The following GALNTL6 variants were observed in gnomAD, a reference collection of about 807,000 sequenced individuals.
GALNTL6 encodes polypeptide N-acetylgalactosaminyltransferase-like 6.
GALNTL6 carries 46 observed loss-of-function variants against 73.7 expected under a neutral mutation model. The ratio of observed to expected loss-of-function variants is 0.62; its 90% confidence interval spans 0.49 to 0.80. The LOEUF (loss-of-function observed/expected upper bound fraction) is 0.80, where lower values mean the gene tolerates loss of function less well. Ranked by LOEUF, GALNTL6 falls within the 30% of genes least tolerant of loss-of-function variation. The probability of loss-of-function intolerance (pLI) is 0.00; values close to 1 mark genes in which losing one functional copy is unlikely to be tolerated. For missense variants in GALNTL6, 604 were observed against 755.0 expected, an observed-to-expected ratio of 0.80 and a Z score of 2.34; for synonymous variants, 259 against 263.7, an observed-to-expected ratio of 0.98 and a Z score of 0.17.
chr4:172,751,102 T>C (rs1157304051), intron 5 of GALNTL6, among the ~76,000 whole-genome samples: 1 of 152,204 alleles, frequency 6.6e-6, no homozygotes, highest in Non-Finnish European at 1.5e-5. Flanking sequence ...ATGTGGTTTG[T>C]GGTACCTGAT....
intron 5 of GALNTL6, among the ~76,000 whole-genome samples, chr4:172,598,093 G>A (rs894375117): frequency 6.6e-6 from 1 of 151,826 alleles, no homozygotes; most frequent in African/African-American, 2.4e-5. Context: ...CAAATTCCCT[G>A]GTCTTATTGC....
Position 172,429,357 on chromosome 4 carries a change from G to A in GALNTL6, c.553+80668G>A, listed in dbSNP as rs1251899747. ...CTCCAGAGTAGCTGGGACTACAGGC[G>A]TGCACCACTACGCCTGGCTAATTTT... On this transcript the variant is annotated intron_variant, in intron 5 of 12. Coordinates refer to ENST00000506823, the MANE Select transcript of GALNTL6 (RefSeq NM_001034845.3). 5.3e-5 allele frequency among the ~76,000 whole-genome samples: 8 copies of A among 151,834 alleles called. No individual in the cohort carries two copies. In the South Asian group the frequency reaches 8.3e-4, roughly 16 times the overall value.
intron 5 of GALNTL6, among the ~76,000 whole-genome samples, chr4:172,516,331 G>A (rs1448745162): frequency 6.6e-6 from 1 of 152,084 alleles, no homozygotes; most frequent in Non-Finnish European, 1.5e-5. Context: ...GAGCTACAGT[G>A]CAGCATTGAC....
At chr4:171,892,395 G>C (rs1406368356) in intron 2 of GALNTL6, among the ~76,000 whole-genome samples, 1 of 152,034 alleles carries the variant, frequency 6.6e-6, no homozygotes, top group Non-Finnish European at 1.5e-5. Flanking sequence ...CTTTTCCTTT[G>C]ATAAAAGTAT....
At chr4:171,924,275 G>A (rs995449039) in intron 2 of GALNTL6, among the ~76,000 whole-genome samples, 9 of 151,186 alleles carry the variant, frequency 6.0e-5, no homozygotes, top group African/African-American at 2.2e-4. Flanking sequence ...AATAAATCAG[G>A]GAAGGAACAT....
chr4:172,764,980 C>T (rs1380269928), intron 5 of GALNTL6, among the ~76,000 whole-genome samples: 1 of 152,128 alleles, frequency 6.6e-6, no homozygotes, highest in Non-Finnish European at 1.5e-5. Context: ...AACATATATT[C>T]GAGCAAAAGA....
chr4:171,920,023 A>G (rs1295502871), intron 2 of GALNTL6, among the ~76,000 whole-genome samples: 1 of 152,182 alleles, frequency 6.6e-6, no homozygotes, highest in East Asian at 1.9e-4. Context: ...TCTAACAATG[A>G]TAGACTGGAT....
At chr4:172,826,985 G>C (rs149166338) in intron 7 of GALNTL6, among the ~76,000 whole-genome samples, 1 of 152,292 alleles carries the variant, frequency 6.6e-6, no homozygotes, top group African/African-American at 2.4e-5. Flanking sequence ...TGGGGGGCAG[G>C]TGTCATCTGA....
At chr4:171,914,871 G>A (rs1467253978) in intron 2 of GALNTL6, among the ~76,000 whole-genome samples, 1 of 151,118 alleles carries the variant, frequency 6.6e-6, no homozygotes, top group African/African-American at 2.4e-5. Flanking sequence ...CAGTTTGATA[G>A]GATCTTTTAT....
At chr4:172,299,758 T>G (rs991017136) in intron 3 of GALNTL6, among the ~76,000 whole-genome samples, 2 of 152,232 alleles carry the variant, frequency 1.3e-5, no homozygotes, top group Non-Finnish European at 2.9e-5. Flanking sequence ...TCTGTTCTTT[T>G]ACGTTTGCTG....
intron 5 of GALNTL6, among the ~76,000 whole-genome samples, chr4:172,386,376 C>T (rs973664875): frequency 6.6e-6 from 1 of 152,070 alleles, no homozygotes; most frequent in Non-Finnish European, 1.5e-5. Context: ...ACCATCTTCT[C>T]ATTGTACCCT....
intron 2 of GALNTL6, among the ~76,000 whole-genome samples, chr4:171,888,640 C>A (rs536237338): frequency 6.6e-6 from 1 of 152,006 alleles, no homozygotes. Flanking sequence ...TGGTCAAACC[C>A]CACTTTTCTT....
At chr4:172,395,760 A>C (rs1298168476) in intron 5 of GALNTL6, among the ~76,000 whole-genome samples, 2 of 152,174 alleles carry the variant, frequency 1.3e-5, no homozygotes, top group Non-Finnish European at 2.9e-5. Flanking sequence ...AGTAAATAGC[A>C]AAGTTTTTAA....
chr4:171,982,332 C>T (rs548206309), intron 2 of GALNTL6, among the ~76,000 whole-genome samples: 1 of 152,262 alleles, frequency 6.6e-6, no homozygotes, highest in South Asian at 2.1e-4. Flanking sequence ...GAGTCTCGCT[C>T]TGTCACCCAG....
At chr4:171,906,177 A>G (rs1278567756) in intron 2 of GALNTL6, among the ~76,000 whole-genome samples, 1 of 149,868 alleles carries the variant, frequency 6.7e-6, no homozygotes, top group Non-Finnish European at 1.5e-5. Context: ...GACACAAAAA[A>G]CCCTTCAAAA....
chr4:172,427,450 G>C (rs1731273996), intron 5 of GALNTL6, among the ~76,000 whole-genome samples: 1 of 152,082 alleles, frequency 6.6e-6, no homozygotes, highest in Non-Finnish European at 1.5e-5. Context: ...CAGGGCATGT[G>C]GGGATTATGG....
chr4:172,662,352 A>G (rs953308014), intron 5 of GALNTL6, among the ~76,000 whole-genome samples: 7 of 152,162 alleles, frequency 4.6e-5, no homozygotes, highest in Non-Finnish European at 8.8e-5. Context: ...CCCTAACCCC[A>G]TGAAGCTGGA....
intron 2 of GALNTL6, among the ~76,000 whole-genome samples, chr4:171,967,085 T>A (rs1181390031): frequency 6.6e-6 from 1 of 152,226 alleles, no homozygotes; most frequent in Non-Finnish European, 1.5e-5. Context: ...CCTCCAAGTA[T>A]ATTTCAAAAT....
intron 2 of GALNTL6, among the ~76,000 whole-genome samples, chr4:172,186,083 G>A (rs1270858424): frequency 6.6e-6 from 1 of 152,048 alleles, no homozygotes; most frequent in South Asian, 2.1e-4. Context: ...TAAAATTACT[G>A]TGTGATACAA....
Sources: gnomAD v4.1 joint callset for allele counts (sites outside exome capture counted in the v4.1 genomes callset) on GRCh38, gnomAD v4.1.1 for gene constraint, MANE v1.5 for transcripts, NCBI Gene and HGNC (gene_info 2026-07-23, HGNC 2026-07-21) for gene names.